The following DIP2C variants were observed in gnomAD, a reference collection of about 807,000 sequenced individuals.
DIP2C encodes the protein DIP2 acetate--CoA ligase C (putative).
In DIP2C, 33 loss-of-function variants were observed where a neutral mutation model predicts 192.4. The observed-to-expected ratio is 0.17, with a 90% CI of 0.13 to 0.23. The LOEUF is 0.23. DIP2C is among the 10% of genes least tolerant of loss of function. DIP2C has a pLI of 1.00. For missense variants in DIP2C, 1,537 were observed against 2,110.1 expected (o/e 0.73, Z 5.32); for synonymous variants, 979 against 864.1 (o/e 1.13, Z -2.33).
At chr10:332,646 T>C (rs901208085) in intron 29 of DIP2C, among the ~76,000 whole-genome samples, 3 of 152,260 alleles carry the variant, frequency 2.0e-5, no homozygotes, top group South Asian at 4.1e-4. Flanking sequence ...GAACCTGAGC[T>C]GTTCTTCAGA....
chr10:552,602 G>C (rs1293576641), intron 1 of DIP2C, among the ~76,000 whole-genome samples: 1 of 152,248 alleles, frequency 6.6e-6, no homozygotes, highest in Non-Finnish European at 1.5e-5. Context: ...TGTAATCCCA[G>C]CACTTTGGGA....
chr10:606,081 G>A (rs1358093382), intron 1 of DIP2C, among the ~76,000 whole-genome samples: 4 of 152,216 alleles, frequency 2.6e-5, no homozygotes, highest in Admixed American at 1.3e-4. Context: ...CCTGCGCAGC[G>A]TGGAGACCGG....
At chr10:439,011 C>T (rs937012907) in intron 4 of DIP2C, among the ~76,000 whole-genome samples, 2 of 152,040 alleles carry the variant, frequency 1.3e-5, no homozygotes, top group African/African-American at 2.4e-5. Flanking sequence ...TTGGTGGAGA[C>T]AAAATGTACA....
intron 1 of DIP2C, among the ~76,000 whole-genome samples, chr10:673,205 A>G (rs1352879267): frequency 6.6e-6 from 1 of 152,202 alleles, no homozygotes; most frequent in African/African-American, 2.4e-5. Context: ...CTTGGTGTTA[A>G]GAGTGAGCCA....
chr10:319,295 G>A (rs1589464147), intron 31 of DIP2C, among the ~76,000 whole-genome samples: 1 of 152,026 alleles, frequency 6.6e-6, no homozygotes, highest in Non-Finnish European at 1.5e-5. Flanking sequence ...AAGATTTAAG[G>A]GTCACTGCAA....
Position 356,513 on chromosome 10 carries a change from C to T in DIP2C, c.2905-7G>A, listed in dbSNP as rs1419023910. ...CCTCTGAGAGGAACAGGAACTGGAA[C>T]AGAGCACGGGCATGAGGATCAGGCT... On this transcript the variant is annotated splice_polypyrimidine_tract_variant and splice_region_variant and intron_variant, in intron 23 of 36. Coordinates refer to ENST00000280886, the MANE Select transcript of DIP2C (RefSeq NM_014974.3). The T allele has an allele frequency of 6.2e-7, 1 of 1,609,932 alleles. No homozygotes were observed. Among genetic ancestry groups the T allele is most frequent in the East Asian group, 2.2e-5 (1 of 44,852 alleles).
chr10:493,801 C>T (rs1346303550), intron 1 of DIP2C, among the ~76,000 whole-genome samples: 2 of 152,232 alleles, frequency 1.3e-5, no homozygotes, highest in African/African-American at 4.8e-5. Context: ...TTAAACACTC[C>T]ACAAGCACTA....
At chr10:489,963 C>T (rs1316228913) in intron 1 of DIP2C, among the ~76,000 whole-genome samples, 2 of 25,186 alleles carry the variant, frequency 7.9e-5, no homozygotes, top group East Asian at 9.3e-4. Context: ...TGACAGTGCC[C>T]GAGCCTTCCT....
intron 2 of DIP2C, among the ~76,000 whole-genome samples, chr10:474,356 C>T (rs895903859): frequency 6.6e-6 from 1 of 152,208 alleles, no homozygotes; most frequent in South Asian, 2.1e-4. Flanking sequence ...CTATTTTCCA[C>T]TATCTTGGCT....
intron 1 of DIP2C, among the ~76,000 whole-genome samples, chr10:543,155 C>T (rs899243491): frequency 6.6e-6 from 1 of 152,202 alleles, no homozygotes; most frequent in African/African-American, 2.4e-5. Flanking sequence ...TGGACATCAC[C>T]AGTCTTCGCA....
At chr10:316,676 T>G (rs1035566533) in intron 31 of DIP2C, among the ~76,000 whole-genome samples, 1 of 152,166 alleles carries the variant, frequency 6.6e-6, no homozygotes, top group Admixed American at 6.5e-5. Context: ...GCCAGCGGCT[T>G]TCCTGCTCAC....
intron 33 of DIP2C, among the ~76,000 whole-genome samples, chr10:286,822 A>G (rs1165900972): frequency 2.0e-5 from 3 of 152,208 alleles, no homozygotes; most frequent in Non-Finnish European, 4.4e-5. Flanking sequence ...TGCTTGCAGT[A>G]ATCGCTGAAG....
At chr10:664,445 G>A (rs1856965816) in intron 1 of DIP2C, 1 of 152,184 alleles carries the variant, frequency 6.6e-6, no homozygotes, top group Non-Finnish European at 1.5e-5. Context: ...ACCCCCAGCG[G>A]GACCCAGGAA....
chr10:625,431 T>C (rs1217001057), intron 1 of DIP2C, among the ~76,000 whole-genome samples: 3 of 152,214 alleles, frequency 2.0e-5, no homozygotes, highest in African/African-American at 4.8e-5. Flanking sequence ...ACAGCTCTAA[T>C]AACAGGCTTA....
chr10:579,122 C>T (rs1474143914), intron 1 of DIP2C, among the ~76,000 whole-genome samples: 7 of 152,006 alleles, frequency 4.6e-5, no homozygotes, highest in African/African-American at 2.4e-5. Context: ...TACATAGGTA[C>T]ACTAACATGT....
intron 3 of DIP2C, among the ~76,000 whole-genome samples, chr10:452,074 C>A (rs1470000251): frequency 2.0e-5 from 3 of 152,182 alleles, no homozygotes; most frequent in East Asian, 1.9e-4. Context: ...AGCTGACCCA[C>A]AGGATCGGGT....
chr10:551,078 C>A (rs1848560567), intron 1 of DIP2C, among the ~76,000 whole-genome samples: 1 of 152,186 alleles, frequency 6.6e-6, no homozygotes. Context: ...AAACCATGCA[C>A]ACGGCTTCCC....
intron 1 of DIP2C, among the ~76,000 whole-genome samples, chr10:549,884 C>T (rs1290851815): frequency 6.6e-6 from 1 of 152,168 alleles, no homozygotes; most frequent in African/African-American, 2.4e-5. Context: ...GAAGGGCAGC[C>T]CAGGGGCCCA....
intron 1 of DIP2C, among the ~76,000 whole-genome samples, chr10:671,527 G>A (rs1233797824): frequency 1.7e-5 from 2 of 115,808 alleles, no homozygotes; most frequent in Admixed American, 1.8e-4. Context: ...ACGCACGGAC[G>A]GAGGAAACAG....
Sources: gnomAD v4.1 joint callset for allele counts (sites outside exome capture counted in the v4.1 genomes callset) on GRCh38, gnomAD v4.1.1 for gene constraint, MANE v1.5 for transcripts, NCBI Gene and HGNC (gene_info 2026-07-23, HGNC 2026-07-21) for gene names.